ESR1: variants seen among roughly 807,000 people sequenced by gnomAD.
The protein encoded by ESR1 is estrogen receptor.
In ESR1, 12 loss-of-function variants were observed where a neutral mutation model predicts 52.7. The ratio of observed to expected loss-of-function variants is 0.23; its 90% confidence interval spans 0.15 to 0.37. ESR1 has a LOEUF of 0.37. ESR1 is among the 10% of genes least tolerant of loss of function. The pLI, the probability that ESR1 is intolerant of heterozygous loss-of-function variation, is 1.00. For synonymous variants in ESR1, 305 were observed against 316.8 expected (o/e 0.96, Z 0.39); for missense variants, 584 against 779.7 (o/e 0.75, Z 2.99).
intron 2 of ESR1, among the ~76,000 whole-genome samples, chr6:151,759,234 C>T (rs1389347243): frequency 7.0e-6 from 1 of 143,314 alleles, no homozygotes; most frequent in Admixed American, 7.0e-5. Flanking sequence ...GAGATCATGC[C>T]ACTGCACTCC....
intron 1 of ESR1, among the ~76,000 whole-genome samples, chr6:151,816,832 A>G (rs1779729696): frequency 6.6e-6 from 1 of 152,172 alleles, no homozygotes; most frequent in South Asian, 2.1e-4. Flanking sequence ...GCTTGAGTCC[A>G]GGAGTTCCAG....
chr6:152,088,119 A>G (rs867660745), intron 6 of ESR1, among the ~76,000 whole-genome samples: 1 of 152,232 alleles, frequency 6.6e-6, no homozygotes, highest in Non-Finnish European at 1.5e-5. Context: ...TTTTATAACC[A>G]TCATATAAAG....
intron 5 of ESR1, among the ~76,000 whole-genome samples, chr6:152,027,185 C>T (rs373106987): frequency 1.3e-4 from 20 of 152,212 alleles, no homozygotes; most frequent in Admixed American, 5.9e-4. Context: ...AGGCTGGTCA[C>T]GAATTCCTGA....
At chr6:152,011,922 A>T (rs957849736) in intron 5 of ESR1, 128 bp downstream of exon 5, 7 of 1,004,562 alleles carry the variant, frequency 7.0e-6, no homozygotes, top group Non-Finnish European at 1.0e-5. Context: ...TTAACAAAAG[A>T]GTGCATTGGG....
At chr6:151,868,278 C>G (rs1289182181) in intron 2 of ESR1, among the ~76,000 whole-genome samples, 1 of 152,130 alleles carries the variant, frequency 6.6e-6, no homozygotes, top group Non-Finnish European at 1.5e-5. Flanking sequence ...CAGGCGTACA[C>G]CACCATGCCC....
intron 6 of ESR1, chr6:152,118,224 T>A (rs1309912599): frequency 6.6e-6 from 1 of 152,182 alleles, no homozygotes; most frequent in Non-Finnish European, 1.5e-5. Context: ...TCTATTAAAT[T>A]CCCTTCTAGT....
chr6:151,837,563 G>C (rs191883733), intron 1 of ESR1, among the ~76,000 whole-genome samples: 137 of 152,114 alleles, frequency 9.0e-4, no homozygotes, highest in Non-Finnish European at 1.6e-3. Context: ...CCTTTTTTCT[G>C]CTATTCTTCA....
At chr6:151,663,679 C>T (rs917836081) in intron 1 of ESR1, among the ~76,000 whole-genome samples, 3 of 152,042 alleles carry the variant, frequency 2.0e-5, no homozygotes, top group African/African-American at 4.8e-5. Flanking sequence ...CCACAGAGTA[C>T]GGCTTTATAT....
chr6:152,084,387 G>A (rs926156454), intron 6 of ESR1, among the ~76,000 whole-genome samples: 11 of 150,734 alleles, frequency 7.3e-5, no homozygotes, highest in Admixed American at 1.3e-4. Flanking sequence ...AAACCTGCAC[G>A]TTGTGCACCT....
At chr6:152,119,417 CTTA>C (rs1302722977) in intron 6 of ESR1, among the ~76,000 whole-genome samples, 1 of 152,156 alleles carries the variant, frequency 6.6e-6, no homozygotes, top group Non-Finnish European at 1.5e-5. Flanking sequence ...CCCGGGATTT[CTTA>C]TTAAGTTACT....
chr6:152,021,914 T>G (rs917479149), intron 5 of ESR1, among the ~76,000 whole-genome samples: 1 of 152,158 alleles, frequency 6.6e-6, no homozygotes, highest in African/African-American at 2.4e-5. Flanking sequence ...TTGCTCCTCC[T>G]TCATCTTCTG....
At chr6:151,707,444 T>C (rs1582960845) in intron 2 of ESR1, among the ~76,000 whole-genome samples, 1 of 151,922 alleles carries the variant, frequency 6.6e-6, no homozygotes, top group African/African-American at 2.4e-5. Context: ...ACAATTTCCG[T>C]TTGTAATATG....
chr6:152,017,015 T>A (rs2043219136), intron 5 of ESR1, among the ~76,000 whole-genome samples: 1 of 152,172 alleles, frequency 6.6e-6, no homozygotes, highest in Non-Finnish European at 1.5e-5. Flanking sequence ...TCTTTGCAAA[T>A]CTAGGCATTT....
chr6:151,658,254 AC>A (rs1777522742), intron 1 of ESR1, among the ~76,000 whole-genome samples: 1 of 152,190 alleles, frequency 6.6e-6, no homozygotes. Context: ...TGTCAATAAA[AC>A]CGAGTTTCAG....
At chr6:151,839,707 C>T (rs973497654) in intron 1 of ESR1, among the ~76,000 whole-genome samples, 2 of 151,824 alleles carry the variant, frequency 1.3e-5, no homozygotes, top group Non-Finnish European at 2.9e-5. Flanking sequence ...ATGCTAGACA[C>T]AAAAAGCAAA....
At chr6:151,829,309 A>G (rs1217539327) in intron 1 of ESR1, among the ~76,000 whole-genome samples, 2 of 152,258 alleles carry the variant, frequency 1.3e-5, no homozygotes, top group African/African-American at 4.8e-5. Flanking sequence ...TTCGTTGAAC[A>G]AAGAATATGT....
intron 4 of ESR1, among the ~76,000 whole-genome samples, chr6:152,010,625 T>C (rs1245556628): frequency 6.6e-6 from 1 of 152,080 alleles, no homozygotes; most frequent in Non-Finnish European, 1.5e-5. Context: ...GTGATTTATT[T>C]AGTCACTTGA....
chr6:151,829,190 G>A (rs557485939), intron 1 of ESR1, among the ~76,000 whole-genome samples: 10 of 152,272 alleles, frequency 6.6e-5, no homozygotes, highest in African/African-American at 2.4e-4. Flanking sequence ...CCAGCCATGT[G>A]TGCTAACCTA....
rs192429613 is a variant in ESR1, at chr6:151,842,521, G to A, written c.453-76G>A. 2.4e-3 allele frequency: 2,899 copies of A among 1,223,352 alleles called. 5 individuals are homozygous for A. Among genetic ancestry groups the A allele is most frequent in the Non-Finnish European group, 3.1e-3 (2,607 of 845,774 alleles). The allele number at this position is 1,223,352 out of a possible 1,614,324, so 75.8% of individuals were successfully genotyped here. A position where few individuals can be genotyped will look rare whatever the true frequency, so the allele number is the denominator to read the frequency against. On this transcript the variant is annotated intron_variant, in intron 1 of 7. Transcript: ENST00000206249. ...TTATTTCAAAATGTCAGGATAAAGT[G>A]GATCTGCTGCATCTCCCAGAGAGTG...
Sources: allele counts gnomAD v4.1 joint callset (sites outside exome capture counted in the v4.1 genomes callset), GRCh38; gene constraint gnomAD v4.1.1; transcripts MANE v1.5; gene names NCBI Gene and HGNC (gene_info 2026-07-23, HGNC 2026-07-21).